The following FAM81A variants were observed in gnomAD, a reference collection of about 807,000 sequenced individuals.
FAM81A encodes protein FAM81A.
Under a neutral mutation model 46.7 loss-of-function variants are expected in FAM81A, and 19 were observed. That is an observed-to-expected ratio of 0.41 (90% CI 0.28 to 0.60). The LOEUF (loss-of-function observed/expected upper bound fraction) is 0.60, where lower values mean the gene tolerates loss of function less well. Among genes scored for constraint, FAM81A ranks in the 20% least tolerant of loss-of-function variants. The pLI is 0.34. For synonymous variants in FAM81A, 183 were observed against 152.9 expected (o/e 1.20, Z -1.45); for missense variants, 377 against 453.5 (o/e 0.83, Z 1.53).
chr15:59,400,007 C>T (rs2081063397), intron 1 of FAM81A, among the ~76,000 whole-genome samples: 1 of 152,084 alleles, frequency 6.6e-6, no homozygotes, highest in African/African-American at 2.4e-5. Flanking sequence ...AATGGAGAGT[C>T]CCCGTCCGAG....
chr15:59,404,774 C>G lies in FAM81A; in HGVS notation c.-78+2416C>G, dbSNP rs150265037. ...GCCCAGCTCATATTCTTCACAACAG[C>G]TGGAATAACCTCAAGATCAGATCAC... On this transcript the variant is annotated intron_variant, in intron 2 of 4. Coordinates refer to the FAM81A transcript ENST00000558348. Among the ~76,000 whole-genome samples the G allele has an allele frequency of 5.4e-3, 825 of 152,326 alleles. 3 individuals are homozygous for G. Among genetic ancestry groups the G allele is most frequent in the Non-Finnish European group, 7.5e-3 (508 of 68,018 alleles).
At chr15:59,468,683 T>C (rs1252090521) in intron 3 of FAM81A, among the ~76,000 whole-genome samples, 1 of 152,152 alleles carries the variant, frequency 6.6e-6, no homozygotes, top group Admixed American at 6.5e-5. Flanking sequence ...TCATTGATTT[T>C]TTTGAAGGGT....
At chr15:59,438,986 C>T (rs2081267508) in intron 1 of FAM81A, 2 of 152,126 alleles carry the variant, frequency 1.3e-5, no homozygotes, top group African/African-American at 4.8e-5. Context: ...TTCTTCTTTC[C>T]TGTAGTTAAT....
At chr15:59,449,577 CG>C (rs1246941202) in intron 1 of FAM81A, among the ~76,000 whole-genome samples, 2 of 151,894 alleles carry the variant, frequency 1.3e-5, no homozygotes, top group Non-Finnish European at 2.9e-5. Context: ...GTCAGGAGAT[CG>C]AGACCATCCT....
At chr15:59,439,108 G>GCA (rs2081268831) in intron 1 of FAM81A, 1 of 145,940 alleles carries the variant, frequency 6.9e-6, no homozygotes, top group South Asian at 2.2e-4. Context: ...GTGTGTGTGT[G>GCA]CGCGCGTGTG....
At chr15:59,515,357 C>G (rs1252466578) in intron 7 of FAM81A, among the ~76,000 whole-genome samples, 1 of 152,334 alleles carries the variant, frequency 6.6e-6, no homozygotes, top group East Asian at 1.9e-4. Flanking sequence ...ACATCTCTGT[C>G]TCCCTTCCCT....
chr15:59,399,185 CAA>C (rs1163439120), intron 1 of FAM81A, among the ~76,000 whole-genome samples: 1 of 151,762 alleles, frequency 6.6e-6, no homozygotes, highest in Non-Finnish European at 1.5e-5. Context: ...AAAACAAAAA[CAA>C]AAAAGAAGAA....
rs375616784 is a variant in FAM81A, at chr15:59,498,091, C to CCTCT, written c.413+5704_413+5707dup. On this transcript the variant is annotated intron_variant, in intron 4 of 8. Transcript: ENST00000288228. ...TCTTGAATTCCTGGTTTCAAGTGAT[C>CCTCT]CTCTCACTTTGGCCTCCCAAAGTGT... is the stretch of plus-strand genomic sequence containing the variant. Among the ~76,000 whole-genome samples, 717 of 152,282 alleles carry CCTCT rather than the reference C, an allele frequency of 4.7e-3. 4 individuals carry two copies. Among genetic ancestry groups the CCTCT allele is most frequent in the African/African-American group, 0.016 (677 of 41,562 alleles).
intron 3 of FAM81A, among the ~76,000 whole-genome samples, chr15:59,462,246 G>A (rs889855864): frequency 6.6e-6 from 1 of 151,562 alleles, no homozygotes; most frequent in Admixed American, 6.6e-5. Context: ...TTCCAAAGTG[G>A]CTATAACATT....
rs370636664 is a variant in FAM81A, at chr15:59,500,765, T to G, written c.414-6448T>G. Among the ~76,000 whole-genome samples the G allele has an allele frequency of 3.9e-5, 6 of 152,252 alleles. No homozygotes were observed. In the East Asian group the frequency reaches 7.7e-4, roughly 20 times the overall value. On this transcript the variant is annotated intron_variant, in intron 4 of 8. Coordinates refer to ENST00000288228, the MANE Select transcript of FAM81A (RefSeq NM_152450.3). ...TATTTTCAAGTTCACTAGTCTTTGT[T>G]CTACCTATTCACGTTTTCTGTTGAG...
intron 2 of FAM81A, among the ~76,000 whole-genome samples, chr15:59,410,284 G>A (rs1435017978): frequency 3.3e-5 from 5 of 151,908 alleles, no homozygotes; most frequent in South Asian, 2.1e-4. Flanking sequence ...CAACAAGAGC[G>A]AAACTCCATG....
intron 8 of FAM81A, among the ~76,000 whole-genome samples, chr15:59,520,963 G>A (rs1481314753): frequency 1.3e-5 from 2 of 152,208 alleles, no homozygotes; most frequent in African/African-American, 2.4e-5. Context: ...CTTTTCAGAA[G>A]TTACGTGATG....
chr15:59,487,744 G>A (rs1240563100), intron 3 of FAM81A, among the ~76,000 whole-genome samples: 2 of 152,006 alleles, frequency 1.3e-5, no homozygotes, highest in African/African-American at 2.4e-5. Flanking sequence ...AACAAGTAAC[G>A]AGATTGAAGC....
chr15:59,421,862 C>T (rs1419932012), intron 2 of FAM81A, among the ~76,000 whole-genome samples: 3 of 141,666 alleles, frequency 2.1e-5, no homozygotes, highest in South Asian at 2.3e-4. Context: ...AGATTAAACC[C>T]TCAACCCTCT....
chr15:59,400,827 T>G (rs1198129886), intron 1 of FAM81A, among the ~76,000 whole-genome samples: 1 of 152,198 alleles, frequency 6.6e-6, no homozygotes, highest in Non-Finnish European at 1.5e-5. Flanking sequence ...ATTCCCTACT[T>G]TTCTTTCTCT....
chr15:59,438,523 G>T (rs1375720958), intron 1 of FAM81A: 1 of 152,322 alleles, frequency 6.6e-6, no homozygotes, highest in Non-Finnish European at 1.5e-5. Context: ...GCATGCTAGC[G>T]AACCAACCGA....
chr15:59,400,818 T>A (rs1414963856), intron 1 of FAM81A, among the ~76,000 whole-genome samples: 1 of 152,218 alleles, frequency 6.6e-6, no homozygotes, highest in Non-Finnish European at 1.5e-5. Flanking sequence ...TCCTTGCACA[T>A]TCCCTACTTT....
intron 4 of FAM81A, among the ~76,000 whole-genome samples, chr15:59,499,462 T>C (rs1346201346): frequency 6.6e-6 from 1 of 152,242 alleles, no homozygotes; most frequent in East Asian, 1.9e-4. Context: ...TTCATTTATA[T>C]TGCTCGTTAT....
chr15:59,506,225 C>T (rs1303727967), intron 4 of FAM81A, among the ~76,000 whole-genome samples: 4 of 152,070 alleles, frequency 2.6e-5, no homozygotes, highest in Admixed American at 6.6e-5. Context: ...GTTGCCCAGG[C>T]TGGCCTTGAA....
Sources: allele counts gnomAD v4.1 joint callset (sites outside exome capture counted in the v4.1 genomes callset), GRCh38; gene constraint gnomAD v4.1.1; transcripts MANE v1.5; gene names NCBI Gene and HGNC (gene_info 2026-07-23, HGNC 2026-07-21).